Variants in ING3 observed in about 807,000 individuals in gnomAD.
ING3 encodes the protein inhibitor of growth protein 3.
ING3 carries 6 observed loss-of-function variants against 64.8 expected under a neutral mutation model. The observed-to-expected ratio is 0.09, with a 90% CI of 0.05 to 0.18. The LOEUF (loss-of-function observed/expected upper bound fraction) is 0.18. ING3 is among the 10% of genes least tolerant of loss of function. ING3 has a pLI of 1.00. For synonymous variants in ING3, 170 were observed against 173.7 expected (o/e 0.98, Z 0.17); for missense variants, 310 against 489.7 (o/e 0.63, Z 3.46).
chr7:120,964,105 C>G (rs73721495), intron 4 of ING3, among the ~76,000 whole-genome samples: 2,325 of 152,056 alleles, frequency 0.015, 60 homozygotes, highest in African/African-American at 0.053. Flanking sequence ...AAAATTTTGC[C>G]AAGTTAACTA....
Position 120,960,379 on chromosome 7 carries a change from C to T in ING3, c.268-4363C>T, listed in dbSNP as rs1056668833. Reference sequence around the variant, plus strand: ...GCCAGTGAAGGACTTTAAACAGAGGCGTGGAATATAGACCTTAAAAGAGAT... The same window carrying T: ...GCCAGTGAAGGACTTTAAACAGAGGTGTGGAATATAGACCTTAAAAGAGAT... On this transcript the variant is annotated intron_variant, in intron 4 of 11. Coordinates refer to ENST00000315870, the MANE Select transcript of ING3 (RefSeq NM_019071.3). 6.6e-5 allele frequency among the ~76,000 whole-genome samples: 10 copies of T among 152,036 alleles called. No homozygotes were observed. The South Asian group carries it at 8.3e-4, about 13-fold the overall frequency.
chr7:120,953,742 A>G (rs924504090), intron 3 of ING3, among the ~76,000 whole-genome samples: 1 of 152,188 alleles, frequency 6.6e-6, no homozygotes, highest in African/African-American at 2.4e-5. Context: ...ACATGAGCAG[A>G]CCTTGAAGAA....
At chr7:120,959,729 T>C (rs1384265434) in intron 4 of ING3, among the ~76,000 whole-genome samples, 3 of 135,458 alleles carry the variant, frequency 2.2e-5, no homozygotes, top group Non-Finnish European at 4.6e-5. Flanking sequence ...CACTGCAAGC[T>C]CCGCCTCTTG....
intron 4 of ING3, among the ~76,000 whole-genome samples, chr7:120,958,492 A>C (rs1342935229): frequency 6.6e-6 from 1 of 152,188 alleles, no homozygotes; most frequent in Non-Finnish European, 1.5e-5. Flanking sequence ...TTCAGTCGCC[A>C]CAGACTGAAC....
intron 6 of ING3, 35 bp from the exon 7 acceptor site, chr7:120,967,494 G>A (rs1374967929): frequency 6.9e-7 from 1 of 1,448,922 alleles, no homozygotes; most frequent in Non-Finnish European, 9.4e-7. Flanking sequence ...GTTCTCTAAA[G>A]TTTAAAAACA....
rs1562976048 is a variant in ING3 at position 120,966,684 on chromosome 7, T to C, written c.423T>C (p.His141=). 6.2e-7 allele frequency: 1 copy of C among 1,612,600 alleles called. No individual in the cohort carries two copies. Among genetic ancestry groups the C allele is most frequent in the African/African-American group, 1.3e-5 (1 of 75,030 alleles). Reference sequence around the variant, plus strand: ...TGAACAATCACCATGCTCATTCACATACTCCAGTGGAAAGTAAGTTTGGTG... The same window carrying C: ...TGAACAATCACCATGCTCATTCACACACTCCAGTGGAAAGTAAGTTTGGTG... ...QPVNNHHAHS[H]TPVEKRKYNP... The change falls in exon 6 of 12, where the codon CAT becomes CAC. Residue 141 remains histidine, a synonymous_variant. Transcript: ENST00000315870.
Position 120,969,222 on chromosome 7 carries a change from A to C in ING3, c.908+18A>C. ...AAGAGCAAGTAAGTTTTATTGTTACAGTAGCCCTATACCTTTACTGAACAC... is the reference window on the plus strand; with the variant it reads ...AAGAGCAAGTAAGTTTTATTGTTACCGTAGCCCTATACCTTTACTGAACAC... On this transcript the variant is annotated intron_variant, in intron 9 of 11. Transcript: ENST00000315870. 1 of 1,603,670 alleles carries C rather than the reference A, an allele frequency of 6.2e-7. No individual in the cohort carries two copies. The highest frequency in any genetic ancestry group is 8.5e-7 in the Non-Finnish European group (1 of 1,172,082).
chr7:120,951,672 T>C (rs1795767931), intron 2 of ING3, among the ~76,000 whole-genome samples: 1 of 152,192 alleles, frequency 6.6e-6, no homozygotes. Context: ...AGAGGTTATA[T>C]ATAGCTCTTT....
intron 4 of ING3, chr7:120,956,689 C>CA (rs556253210): frequency 0.018 from 12,329 of 699,432 alleles, 7 homozygotes; most frequent in African/African-American, 0.02. Flanking sequence ...GAATAAAAAC[C>CA]AAAAAAAAAA....
At chr7:120,963,518 G>A (rs1163232134) in intron 4 of ING3, among the ~76,000 whole-genome samples, 4 of 151,874 alleles carry the variant, frequency 2.6e-5, no homozygotes, top group African/African-American at 4.8e-5. Context: ...AGCAGAATTT[G>A]TTACAAATAA....
chr7:120,951,029 G>A lies in ING3; in HGVS notation c.28+105G>A, dbSNP rs534336634. On this transcript the variant is annotated intron_variant, in intron 1 of 11. Coordinates refer to ENST00000315870, the MANE Select transcript of ING3 (RefSeq NM_019071.3). ...CGGGAGGGAGGGGGCGGCGGGGGAT[G>A]TTTCTTTCTCACGGTAACTGGCAGC... 579 of 1,510,078 alleles carry A rather than the reference G, an allele frequency of 3.8e-4. 2 individuals are homozygous for A. In the East Asian group the frequency reaches 0.011, roughly 29 times the overall value. The allele number at this position is 1,510,078 out of a possible 1,614,324, so 93.5% of individuals were successfully genotyped here.
intron 1 of ING3, 58 bp downstream of exon 1, chr7:120,950,982 G>C: frequency 1.3e-6 from 2 of 1,569,142 alleles, no homozygotes; most frequent in Non-Finnish European, 8.8e-7. Flanking sequence ...GCAAGAGCGC[G>C]AGTGGACGGG....
At chr7:120,967,764 A>G in intron 7 of ING3, 116 bp downstream of exon 7, 2 of 1,298,428 alleles carry the variant, frequency 1.5e-6, no homozygotes, top group Non-Finnish European at 2.1e-6. Context: ...AAGTATACAT[A>G]TGGAGAAAGA....
chr7:120,964,292 G>A (rs1342198607), intron 4 of ING3, among the ~76,000 whole-genome samples: 2 of 152,092 alleles, frequency 1.3e-5, no homozygotes, highest in Non-Finnish European at 2.9e-5. Context: ...GTAGACTGAG[G>A]ATCTTTCATC....
intron 3 of ING3, among the ~76,000 whole-genome samples, chr7:120,954,296 G>A (rs989982786): frequency 6.6e-6 from 1 of 151,924 alleles, no homozygotes; most frequent in African/African-American, 2.4e-5. Flanking sequence ...CGTGGTGGTG[G>A]GCGCCTGTGA....
intron 2 of ING3, among the ~76,000 whole-genome samples, chr7:120,951,752 A>G (rs1795769461): frequency 6.6e-6 from 1 of 152,240 alleles, no homozygotes; most frequent in African/African-American, 2.4e-5. Flanking sequence ...TTGTAACAGA[A>G]TCGTCATTTT....
At chr7:120,959,468 T>C (rs1247588843) in intron 4 of ING3, among the ~76,000 whole-genome samples, 4 of 152,112 alleles carry the variant, frequency 2.6e-5, no homozygotes, top group Non-Finnish European at 4.4e-5. Flanking sequence ...ACTCAGTGTT[T>C]TGAAATTTAA....
At chr7:120,968,165 G>A (rs373505862) in intron 8 of ING3, 74 bp downstream of exon 8, 1 of 1,289,744 alleles carries the variant, frequency 7.8e-7, no homozygotes, top group Non-Finnish European at 1.1e-6. Context: ...GAAATAACGG[G>A]ATGTGAACAA....
intron 11 of ING3, 61 bp downstream of exon 11, chr7:120,973,304 A>T: frequency 9.4e-7 from 1 of 1,067,398 alleles, no homozygotes. Context: ...TTACTTGAAT[A>T]TTTGTCTTAT....
Sources: gnomAD v4.1 joint callset for allele counts (sites outside exome capture counted in the v4.1 genomes callset) on GRCh38, gnomAD v4.1.1 for gene constraint, MANE v1.5 for transcripts, NCBI Gene and HGNC (gene_info 2026-07-23, HGNC 2026-07-21) for gene names.